The following ARHGAP24 variants were observed in gnomAD, a reference collection of about 807,000 sequenced individuals.
ARHGAP24 encodes the protein Rho GTPase activating protein 24.
ARHGAP24 carries 50 observed loss-of-function variants against 76.4 expected under a neutral mutation model. That is an observed-to-expected ratio of 0.65 (90% CI 0.52 to 0.83). ARHGAP24 has a LOEUF of 0.83. Ranked by LOEUF, ARHGAP24 falls within the 40% of genes least tolerant of loss-of-function variation. The pLI is 0.00. For synonymous variants in ARHGAP24, 345 were observed against 323.3 expected, an observed-to-expected ratio of 1.07 and a Z score of -0.72; for missense variants, 930 against 914.2, an observed-to-expected ratio of 1.02 and a Z score of -0.22.
intron 1 of ARHGAP24, among the ~76,000 whole-genome samples, chr4:85,552,024 G>A (rs966586459): frequency 5.3e-5 from 8 of 151,962 alleles, no homozygotes; most frequent in Non-Finnish European, 1.0e-4. Flanking sequence ...ATTTCCTTAA[G>A]TTCAGCTCTG....
chr4:85,703,674 A>G (rs1262037627), intron 2 of ARHGAP24, among the ~76,000 whole-genome samples: 1 of 152,106 alleles, frequency 6.6e-6, no homozygotes, highest in Non-Finnish European at 1.5e-5. Context: ...TGGCACCTTG[A>G]TATTGAACTT....
At chr4:85,525,075 A>G (rs530509682) in intron 1 of ARHGAP24, among the ~76,000 whole-genome samples, 5 of 152,100 alleles carry the variant, frequency 3.3e-5, no homozygotes, top group African/African-American at 1.2e-4. Flanking sequence ...CTAGAGTCCA[A>G]CATAGTTTAG....
chr4:85,876,601 C>G (rs1732951778), intron 3 of ARHGAP24, among the ~76,000 whole-genome samples: 1 of 152,108 alleles, frequency 6.6e-6, no homozygotes, highest in South Asian at 2.1e-4. Context: ...GTTTAGGTGC[C>G]AAGGTCAATC....
intron 3 of ARHGAP24, among the ~76,000 whole-genome samples, chr4:85,863,673 C>T (rs1389608859): frequency 2.0e-5 from 3 of 152,052 alleles, no homozygotes; most frequent in South Asian, 2.1e-4. Context: ...ACATATACTT[C>T]GACAACAGTA....
chr4:85,835,968 G>A (rs1578277464), intron 3 of ARHGAP24, among the ~76,000 whole-genome samples: 2 of 152,072 alleles, frequency 1.3e-5, no homozygotes, highest in East Asian at 1.9e-4. Flanking sequence ...TTACAGGTGC[G>A]GCCAGATAGT....
intron 5 of ARHGAP24, among the ~76,000 whole-genome samples, chr4:85,952,294 T>A (rs1294132881): frequency 6.6e-6 from 1 of 152,234 alleles, no homozygotes; most frequent in Non-Finnish European, 1.5e-5. Context: ...CAGGACTATA[T>A]AATGTGTGAT....
At position 85,994,677 on chromosome 4, in the gene ARHGAP24, T is replaced by C. The variant is rs775249400; in HGVS notation, c.1023T>C (p.Asp341=). 3.1e-6 allele frequency: 5 copies of C among 1,614,102 alleles called. No individual in the cohort carries two copies. The South Asian group carries it at 5.5e-5, about 18-fold the overall frequency. Residue 341 remains aspartate, a synonymous_variant, in exon 9 of 10, where the codon GAT becomes GAC. Transcript: ENST00000395184. ...KDAELQSKPQ[D]GVSNNNEIQK... is the part of the protein sequence containing the mutation. ...CAGAACTACAAAGCAAGCCCCAAGA[T>C]GGAGTGAGCAACAACAATGAAATTC...
chr4:85,673,884 T>C (rs765999313), intron 2 of ARHGAP24, among the ~76,000 whole-genome samples: 5 of 151,874 alleles, frequency 3.3e-5, no homozygotes, highest in Non-Finnish European at 7.4e-5. Flanking sequence ...AACCTGTGAA[T>C]TTCCCTACAG....
intron 3 of ARHGAP24, among the ~76,000 whole-genome samples, chr4:85,805,944 G>A (rs975305386): frequency 6.6e-6 from 1 of 151,944 alleles, no homozygotes; most frequent in Non-Finnish European, 1.5e-5. Context: ...ATGATTTCAG[G>A]GCCTCCTAGA....
intron 3 of ARHGAP24, among the ~76,000 whole-genome samples, chr4:85,753,594 CAT>C (rs562934534): frequency 5.7e-4 from 87 of 152,336 alleles, no homozygotes; most frequent in African/African-American, 2.1e-3. Context: ...ATGCGCCCCA[CAT>C]ATGAGTCTTT....
chr4:85,913,503 G>C (rs998718466), intron 3 of ARHGAP24, among the ~76,000 whole-genome samples: 20 of 151,684 alleles, frequency 1.3e-4, no homozygotes, highest in African/African-American at 4.8e-4. Context: ...CTTCACCATA[G>C]CTACAGTATT....
At chr4:85,700,254 G>A (rs1241562382) in intron 2 of ARHGAP24, among the ~76,000 whole-genome samples, 1 of 152,040 alleles carries the variant, frequency 6.6e-6, no homozygotes, top group African/African-American at 2.4e-5. Flanking sequence ...AATTAGCCAG[G>A]TGTAAGGATG....
At chr4:85,968,023 T>C (rs1393588710) in intron 5 of ARHGAP24, among the ~76,000 whole-genome samples, 1 of 152,174 alleles carries the variant, frequency 6.6e-6, no homozygotes, top group Non-Finnish European at 1.5e-5. Flanking sequence ...AACAGCTGCC[T>C]GTGATTGGCT....
intron 3 of ARHGAP24, among the ~76,000 whole-genome samples, chr4:85,884,194 A>G (rs1478425600): frequency 6.6e-6 from 1 of 152,216 alleles, no homozygotes; most frequent in Non-Finnish European, 1.5e-5. Flanking sequence ...TTTATTTTAT[A>G]GAACCTATTT....
In ARHGAP24 at chr4:85,994,739, A is replaced by T. The variant is rs781322846; in HGVS notation, c.1085A>T (p.Glu362Val). 6.8e-6 allele frequency: 11 copies of T among 1,614,158 alleles called. No homozygotes were observed. In the East Asian group the frequency reaches 2.0e-4, roughly 29 times the overall value. Residue 362 changes from glutamate (E) to valine (V), a missense_variant, in exon 9 of 10, where the codon GAG becomes GTG. By Grantham distance (121) the Glu-to-Val change is moderately radical (BLOSUM62 -2). Transcript: ENST00000395184. ...ACCATGGGGCAGTTACAGAACAAGGAGAACAATAACACCAAGGACAGCCCT... is the reference window on the plus strand; with the variant it reads ...ACCATGGGGCAGTTACAGAACAAGGTGAACAATAACACCAAGGACAGCCCT... ...KATMGQLQNK[E>V]NNNTKDSPSR...
chr4:85,848,944 C>G (rs1578294525), intron 3 of ARHGAP24, among the ~76,000 whole-genome samples: 1 of 151,860 alleles, frequency 6.6e-6, no homozygotes, highest in Non-Finnish European at 1.5e-5. Context: ...TTTTTTGGTT[C>G]CATATGAACT....
rs149133514 is a variant in ARHGAP24, at chr4:85,759,327, G to A, written c.268+37355G>A. The stretch of plus-strand genomic sequence containing the variant: ...AAATTACTTTTTGCCAGAAGAACCA[G>A]GAAAGACTTAATGGAGAAAATGGCA... On this transcript the variant is annotated intron_variant, in intron 3 of 9. Coordinates refer to ENST00000395184, the MANE Select transcript of ARHGAP24 (RefSeq NM_001025616.3). Among the ~76,000 whole-genome samples the A allele has an allele frequency of 2.3e-3, 355 of 152,170 alleles. 2 individuals carry two copies. The highest frequency in any genetic ancestry group is 8.2e-3 in the African/African-American group (339 of 41,492).
At chr4:85,928,484 G>A (rs1736145098) in intron 4 of ARHGAP24, among the ~76,000 whole-genome samples, 1 of 152,140 alleles carries the variant, frequency 6.6e-6, no homozygotes, top group East Asian at 1.9e-4. Context: ...TGGAGACGGA[G>A]TCTCCTTCTG....
chr4:85,627,706 G>T (rs545406728), intron 2 of ARHGAP24, among the ~76,000 whole-genome samples: 1 of 152,194 alleles, frequency 6.6e-6, no homozygotes, highest in Non-Finnish European at 1.5e-5. Context: ...CTTGAGCTGT[G>T]GTGGGCTCCA....
Sources: allele counts gnomAD v4.1 joint callset (sites outside exome capture counted in the v4.1 genomes callset), GRCh38; gene constraint gnomAD v4.1.1; transcripts MANE v1.5; gene names NCBI Gene and HGNC (gene_info 2026-07-23, HGNC 2026-07-21).